Variants in ENPP6 observed in about 807,000 individuals in gnomAD.
The protein encoded by ENPP6 is glycerophosphocholine cholinephosphodiesterase ENPP6.
In ENPP6, 32 loss-of-function variants were observed where a neutral mutation model predicts 42.0. The observed-to-expected ratio is 0.76, with a 90% CI of 0.58 to 1.02. The LOEUF is 1.02. Ranked by LOEUF, ENPP6 falls within the 50% of genes least tolerant of loss-of-function variation. The probability of loss-of-function intolerance (pLI) is 0.00; values close to 1 mark genes in which losing one functional copy is unlikely to be tolerated. For synonymous variants in ENPP6, 213 were observed against 216.0 expected (o/e 0.99, Z 0.12); for missense variants, 552 against 566.8 (o/e 0.97, Z 0.27).
chr4:184,103,658 T>G (rs1736041838), intron 6 of ENPP6, among the ~76,000 whole-genome samples: 1 of 152,240 alleles, frequency 6.6e-6, no homozygotes, highest in Non-Finnish European at 1.5e-5. Context: ...CTTTCTCATA[T>G]TTTGTGGCAT....
intron 1 of ENPP6, among the ~76,000 whole-genome samples, chr4:184,165,362 C>T (rs1171175179): frequency 6.6e-6 from 1 of 152,166 alleles, no homozygotes; most frequent in Admixed American, 6.5e-5. Flanking sequence ...AGGCTGGAGC[C>T]GCACAGCTAG....
At position 184,217,610 on chromosome 4, in the gene ENPP6, G is replaced by A. The variant is rs149953312; in HGVS notation, c.210C>T (p.Leu70=). 199 of 1,614,220 alleles carry A rather than the reference G, an allele frequency of 1.2e-4. 1 individual carries two copies. The African/African-American group carries it at 2.4e-3, about 19-fold the overall frequency. Residue 70 remains leucine, a synonymous_variant, in exon 1 of 8, where the codon CTC becomes CTT. Transcript: ENST00000296741. Reference sequence around the variant, plus strand: ...TTAGGGTATAATAATTGGGATACGAGAGACTAGGGAAGTCTGGAGTCAAGT... The same window carrying A: ...TTAGGGTATAATAATTGGGATACGAAAGACTAGGGAAGTCTGGAGTCAAGT... ...VDYLTPDFPS[L]SYPNYYTLMT...
rs575851730 is a variant in ENPP6, at chr4:184,124,167, G to A, written c.527C>T (p.Ser176Phe). Residue 176 changes from serine to phenylalanine, a missense_variant, in exon 3 of 8, where the codon TCC becomes TTC. By Grantham distance (155) the Ser-to-Phe change is radical. Transcript: ENST00000296741. ...TAGAGTTTGGGACACTTACTTGAAG[G>A]AGTCAAGAGCATCGCTGACTGCATT... ...FANAVSDALD[S>F]FKSGRADLAA... 6.2e-7 allele frequency: 1 copy of A among 1,612,806 alleles called. No homozygotes were observed. The highest frequency in any genetic ancestry group is 1.3e-5 in the African/African-American group (1 of 74,908).
intron 5 of ENPP6, among the ~76,000 whole-genome samples, chr4:184,113,942 T>TCTTC (rs1736266924): frequency 6.7e-6 from 1 of 148,852 alleles, no homozygotes; most frequent in Non-Finnish European, 1.5e-5. Flanking sequence ...TTTCTTTCTT[T>TCTTC]CTTTCTTTCT....
At chr4:184,205,119 G>A (rs1732973566) in intron 1 of ENPP6, among the ~76,000 whole-genome samples, 1 of 152,102 alleles carries the variant, frequency 6.6e-6, no homozygotes, top group Non-Finnish European at 1.5e-5. Context: ...TTTTAGTAGA[G>A]ACAGGGTTTC....
chr4:184,093,640 AAATAAT>A (rs370411138), intron 7 of ENPP6, among the ~76,000 whole-genome samples: 3,793 of 132,428 alleles, frequency 0.029, 80 homozygotes, highest in African/African-American at 0.042. Context: ...CTCTGTCTCA[AAATAAT>A]AATAATAATA....
chr4:184,139,349 T>A (rs1392830699), intron 2 of ENPP6, among the ~76,000 whole-genome samples: 1 of 152,078 alleles, frequency 6.6e-6, no homozygotes, highest in African/African-American at 2.4e-5. Flanking sequence ...TTTTTTAGTT[T>A]TTTTTTTAAA....
chr4:184,204,062 C>G (rs961669498), intron 1 of ENPP6: 13 of 152,212 alleles, frequency 8.5e-5, no homozygotes, highest in African/African-American at 2.9e-4. Flanking sequence ...TGCAGGCAGC[C>G]GCCTTCCCCC....
intron 1 of ENPP6, among the ~76,000 whole-genome samples, chr4:184,175,314 C>A (rs879354852): frequency 6.6e-6 from 1 of 152,172 alleles, no homozygotes; most frequent in Non-Finnish European, 1.5e-5. Context: ...AAAATCAGTA[C>A]AGGGCCATAA....
intron 7 of ENPP6, among the ~76,000 whole-genome samples, chr4:184,096,864 C>T (rs780666936): frequency 1.2e-4 from 18 of 152,106 alleles, no homozygotes; most frequent in Admixed American, 3.3e-4. Context: ...CCCCGAGAAG[C>T]GATCGCATCA....
chr4:184,118,990 A>AT (rs1008256269), intron 3 of ENPP6, among the ~76,000 whole-genome samples: 13 of 152,094 alleles, frequency 8.5e-5, no homozygotes, highest in Admixed American at 4.6e-4. Flanking sequence ...TGTTCTTTCC[A>AT]TTTTTCTTAC....
intron 6 of ENPP6, 156 bp downstream of exon 6, chr4:184,112,516 C>G (rs1736214738): frequency 2.1e-6 from 2 of 975,072 alleles, no homozygotes; most frequent in Non-Finnish European, 2.9e-6. Context: ...GTTACCCGAT[C>G]AAGACTTTTG....
At chr4:184,097,519 T>A in intron 6 of ENPP6, 151 bp from the exon 7 acceptor site, 1 of 1,134,008 alleles carries the variant, frequency 8.8e-7, no homozygotes, top group Middle Eastern at 3.0e-4. Flanking sequence ...CGGCACTTCC[T>A]GCTCCAGGCC....
At chr4:184,166,512 T>C (rs918660740) in intron 1 of ENPP6, among the ~76,000 whole-genome samples, 1 of 152,238 alleles carries the variant, frequency 6.6e-6, no homozygotes, top group Non-Finnish European at 1.5e-5. Flanking sequence ...ATGTGAGCCC[T>C]GAAGTTTTGA....
chr4:184,203,311 A>T (rs761528715), intron 1 of ENPP6, among the ~76,000 whole-genome samples: 6 of 152,206 alleles, frequency 3.9e-5, no homozygotes, highest in Non-Finnish European at 8.8e-5. Context: ...CTGAAAGTCA[A>T]AAAGTGACAG....
At chr4:184,137,520 C>G (rs1243607482) in intron 2 of ENPP6, among the ~76,000 whole-genome samples, 1 of 151,490 alleles carries the variant, frequency 6.6e-6, no homozygotes, top group South Asian at 2.1e-4. Flanking sequence ...ATTGTAAATA[C>G]CACTTAACAG....
chr4:184,215,206 T>C (rs532041717), intron 1 of ENPP6, among the ~76,000 whole-genome samples: 1 of 152,338 alleles, frequency 6.6e-6, no homozygotes, highest in East Asian at 1.9e-4. Flanking sequence ...AAGGGCTTTC[T>C]GTATTCTGAG....
chr4:184,209,762 G>A (rs1442329172), intron 1 of ENPP6, among the ~76,000 whole-genome samples: 2 of 147,140 alleles, frequency 1.4e-5, no homozygotes, highest in African/African-American at 5.2e-5. Flanking sequence ...CTCGAGAAGA[G>A]CAACTCCAAG....
Position 184,124,242 on chromosome 4 carries a change from G to T in ENPP6, c.452C>A (p.Pro151His). The T allele has an allele frequency of 6.2e-7, 1 of 1,613,790 alleles. No homozygotes were observed. The highest frequency in any genetic ancestry group is 1.3e-5 in the African/African-American group (1 of 75,004). ...GCEVEILGVR[P>H]TYCLEYKNVP... Reference sequence around the variant, plus strand: ...ATTTTTATATTCTAGGCAGTAGGTGGGTCTGACACCCAGAATCTCAACCTC... The same window carrying T: ...ATTTTTATATTCTAGGCAGTAGGTGTGTCTGACACCCAGAATCTCAACCTC... The change falls in exon 3 of 8, where the codon CCC (proline) becomes CAC (histidine). Residue 151 changes from proline to histidine, a missense_variant. Physicochemically the swap from Pro to His is moderately conservative, Grantham distance 77. Around this residue, in one of 2 missense-constraint regions of ENPP6, gnomAD observed 545 missense variants for 546.3 expected, o/e 1.00. Transcript: ENST00000296741.
Sources: allele counts gnomAD v4.1 joint callset (sites outside exome capture counted in the v4.1 genomes callset), GRCh38; gene constraint gnomAD v4.1.1; regional missense constraint gnomAD v4.1.1; transcripts MANE v1.5; gene names NCBI Gene and HGNC (gene_info 2026-07-23, HGNC 2026-07-21).